The following IL10RB variants were observed in gnomAD, a reference collection of about 807,000 sequenced individuals.
IL10RB encodes the protein interleukin-10 receptor subunit beta.
Under a neutral mutation model 38.7 loss-of-function variants are expected in IL10RB, and 30 were observed. The observed-to-expected ratio is 0.78, with a 90% CI of 0.58 to 1.05. IL10RB has a LOEUF of 1.05. Among genes scored for constraint, IL10RB ranks in the 50% least tolerant of loss-of-function variants. The pLI, the probability that IL10RB is intolerant of heterozygous loss-of-function variation, is 0.00. For synonymous variants in IL10RB, 142 were observed against 145.9 expected (o/e 0.97, Z 0.19); for missense variants, 328 against 397.1 (o/e 0.83, Z 1.48).
At chr21:33,288,377 G>GCACA (rs1055659572) in intron 6 of IL10RB, 116 bp downstream of exon 6, 2 of 719,360 alleles carry the variant, frequency 2.8e-6, no homozygotes, top group East Asian at 5.3e-5. Context: ...ACACACGCGC[G>GCACA]CGCGCACACA....
chr21:33,272,279 C>CGG (rs1006965857), intron 2 of IL10RB, among the ~76,000 whole-genome samples: 5 of 152,156 alleles, frequency 3.3e-5, no homozygotes, highest in African/African-American at 9.7e-5. Context: ...AGGCTCTCCA[C>CGG]GCCTGACCCC....
At chr21:33,279,662 G>T in intron 3 of IL10RB, 90 bp from the exon 4 acceptor site, 2 of 1,082,492 alleles carry the variant, frequency 1.8e-6, no homozygotes, top group East Asian at 4.7e-5. Context: ...TACTTCCGTG[G>T]ACTAATTGTT....
intron 6 of IL10RB, among the ~76,000 whole-genome samples, chr21:33,289,150 C>A (rs946737685): frequency 1.3e-5 from 2 of 152,184 alleles, no homozygotes; most frequent in Non-Finnish European, 2.9e-5. Context: ...TGGCCATGCG[C>A]TGGATGTGGG....
chr21:33,276,503 C>T (rs2849997), intron 2 of IL10RB, 93 bp from the exon 3 acceptor site: 383,928 of 964,540 alleles, frequency 0.4, 81,067 homozygotes, highest in Non-Finnish European at 0.45. Flanking sequence ...TTTCCACTCC[C>T]GCGCCGCCCC....
intron 6 of IL10RB, among the ~76,000 whole-genome samples, chr21:33,289,510 G>A (rs2123594940): frequency 6.6e-6 from 1 of 152,324 alleles, no homozygotes; most frequent in South Asian, 2.1e-4. Context: ...CTGATTGGGT[G>A]ACCCAGCCCT....
At chr21:33,304,238 T>C (rs1568915505) in intron 1 of IL10RB, among the ~76,000 whole-genome samples, 3 of 152,216 alleles carry the variant, frequency 2.0e-5, no homozygotes, top group Admixed American at 6.5e-5. Flanking sequence ...AGGGGGAATG[T>C]TGGCATTGTT....
intron 2 of IL10RB, among the ~76,000 whole-genome samples, chr21:33,273,839 T>C (rs906242337): frequency 4.6e-5 from 7 of 152,238 alleles, no homozygotes; most frequent in African/African-American, 1.7e-4. Context: ...AAACAACTCT[T>C]CATCTGTTCA....
At chr21:33,289,061 A>T (rs951704595) in intron 6 of IL10RB, among the ~76,000 whole-genome samples, 1 of 152,234 alleles carries the variant, frequency 6.6e-6, no homozygotes, top group African/African-American at 2.4e-5. Context: ...AGCCAATCCC[A>T]TGTGGCCTCT....
At chr21:33,306,905 G>A (rs1314622542) in intron 1 of IL10RB, among the ~76,000 whole-genome samples, 2 of 152,148 alleles carry the variant, frequency 1.3e-5, no homozygotes, top group South Asian at 2.1e-4. Context: ...AATCGGGTAA[G>A]TTTAGCATCT....
chr21:33,290,113 CAA>C (rs529186781), intron 6 of IL10RB, among the ~76,000 whole-genome samples: 1 of 138,134 alleles, frequency 7.2e-6, no homozygotes. Flanking sequence ...GACTCCGTCT[CAA>C]AAAAAAAAAA....
chr21:33,266,368 TCTC>T lies in IL10RB; in HGVS notation c.-96_-94del, dbSNP rs965445505. 3 of 1,377,818 alleles carry T rather than the reference TCTC, an allele frequency of 2.2e-6. No homozygotes were observed. Among genetic ancestry groups the T allele is most frequent in the Non-Finnish European group, 3.0e-6 (3 of 1,014,060 alleles). The allele number at this position is 1,377,818 out of a possible 1,614,324, so 85.3% of individuals were successfully genotyped here. ...GCCCCTCCCCACCCCGCCCCGCCCA[TCTC>T]CGCTGGTTCCCGGAAGCCGCCGCGG... On this transcript the variant is annotated 5_prime_UTR_variant, in exon 1 of 7. Coordinates refer to ENST00000290200, the MANE Select transcript of IL10RB (RefSeq NM_000628.5).
intron 6 of IL10RB, among the ~76,000 whole-genome samples, chr21:33,294,678 C>T (rs1195962783): frequency 6.6e-6 from 1 of 152,134 alleles, no homozygotes; most frequent in African/African-American, 2.4e-5. Flanking sequence ...GAGCTACCCT[C>T]AGGTTCCATT....
rs193235943 is a variant in IL10RB, at chr21:33,267,060, G to C, written c.49+546G>C. 2.5e-3 allele frequency among the ~76,000 whole-genome samples: 387 copies of C among 152,160 alleles called. 1 individual carries two copies. Among genetic ancestry groups the C allele is most frequent in the Non-Finnish European group, 4.3e-3 (293 of 67,984 alleles). On this transcript the variant is annotated intron_variant, in intron 1 of 6. Coordinates refer to ENST00000290200, the MANE Select transcript of IL10RB (RefSeq NM_000628.5). ...TGAAATCTGGATTCTGTCCCCCAGCGCCCCAGCTCCATGGCTTCTAAACCT... is the reference window on the plus strand; with the variant it reads ...TGAAATCTGGATTCTGTCCCCCAGCCCCCCAGCTCCATGGCTTCTAAACCT...
chr21:33,268,625 A>T (rs1989018592), intron 2 of IL10RB, 108 bp downstream of exon 2: 3 of 832,008 alleles, frequency 3.6e-6, no homozygotes, highest in South Asian at 1.3e-5. Context: ...TCACCGTGTG[A>T]CTGTGACAAC....
intron 5 of IL10RB, 50 bp from the exon 6 acceptor site, chr21:33,288,054 C>T: frequency 6.3e-7 from 1 of 1,576,974 alleles, no homozygotes; most frequent in East Asian, 2.2e-5. Context: ...CTTGGGATCA[C>T]TGTGACCCGA....
intron 5 of IL10RB, among the ~76,000 whole-genome samples, chr21:33,284,433 A>G (rs967710390): frequency 7.2e-5 from 11 of 152,156 alleles, no homozygotes; most frequent in Non-Finnish European, 1.5e-4. Flanking sequence ...ATCAAACACC[A>G]TTTTCATTTT....
chr21:33,285,336 T>A (rs915614934), intron 5 of IL10RB, among the ~76,000 whole-genome samples: 1 of 152,210 alleles, frequency 6.6e-6, no homozygotes, highest in Admixed American at 6.5e-5. Context: ...TCCTGTAACT[T>A]ACTACCTATA....
intron 1 of IL10RB, 36 bp downstream of exon 1, chr21:33,266,550 C>G (rs370621667): frequency 4.3e-4 from 661 of 1,535,080 alleles, no homozygotes; most frequent in Non-Finnish European, 5.4e-4. Flanking sequence ...CGCTTGGGAA[C>G]CGGGAGGCCC....
chr21:33,279,865 T>C lies in IL10RB; in HGVS notation c.445T>C (p.Tyr149His), dbSNP rs1601831568. The C allele has an allele frequency of 1.2e-6, 2 of 1,613,814 alleles. No individual in the cohort carries two copies. The highest frequency in any genetic ancestry group is 1.7e-5 in the Admixed American group (1 of 60,010). Residue 149 changes from tyrosine to histidine, a missense_variant, in exon 4 of 7, where the codon TAT becomes CAT. Tyr to His is a moderately conservative substitution (Grantham distance 83, BLOSUM62 2). Transcript: ENST00000290200. The stretch of plus-strand genomic sequence containing the variant: ...CGAAACTTGGACTATGAAGAATGTG[T>C]ATAACTCATGGACTTATAATGTGCA... The part of the protein sequence containing the change: ...EYETWTMKNV[Y>H]NSWTYNVQYW...
Sources: gnomAD v4.1 joint callset for allele counts (sites outside exome capture counted in the v4.1 genomes callset) on GRCh38, gnomAD v4.1.1 for gene constraint, MANE v1.5 for transcripts, NCBI Gene and HGNC (gene_info 2026-07-23, HGNC 2026-07-21) for gene names.